The following SHANK2 variants were observed in gnomAD, a reference collection of about 807,000 sequenced individuals.
SHANK2 encodes SH3 and multiple ankyrin repeat domains protein 2.
Under a neutral mutation model 133.7 loss-of-function variants are expected in SHANK2, and 43 were observed. That is an observed-to-expected ratio of 0.32 (90% CI 0.25 to 0.41). The LOEUF is 0.41. Among genes scored for constraint, SHANK2 ranks in the 10% least tolerant of loss-of-function variants. The probability of loss-of-function intolerance (pLI) is 1.00; values close to 1 mark genes in which losing one functional copy is unlikely to be tolerated. For missense variants in SHANK2, 1,994 were observed against 2,235.8 expected (o/e 0.89, Z 2.18); for synonymous variants, 1,017 against 952.8 (o/e 1.07, Z -1.24).
intron 10 of SHANK2, chr11:70,950,922 G>A (rs1950825837): frequency 6.1e-6 from 1 of 162,738 alleles, no homozygotes; most frequent in Non-Finnish European, 1.3e-5. Flanking sequence ...GCCTGCCTAG[G>A]CCTCCCAAAG....
chr11:71,125,371 G>C (rs1952162587), intron 3 of SHANK2, among the ~76,000 whole-genome samples: 1 of 152,212 alleles, frequency 6.6e-6, no homozygotes, highest in Non-Finnish European at 1.5e-5. Context: ...AATTAGAAGG[G>C]CCACTCCAGT....
intron 15 of SHANK2, among the ~76,000 whole-genome samples, chr11:70,665,916 G>A (rs558543923): frequency 4.7e-4 from 71 of 152,230 alleles, no homozygotes; most frequent in African/African-American, 1.6e-3. Flanking sequence ...TTGTGGGGGA[G>A]GGGACATTTT....
chr11:70,599,933 A>AAG (rs1300633721), intron 17 of SHANK2, among the ~76,000 whole-genome samples: 31 of 122,448 alleles, frequency 2.5e-4, no homozygotes, highest in African/African-American at 1.2e-3. Flanking sequence ...GAAAGAAAGA[A>AAG]AGAAAGAAAG....
chr11:71,066,222 C>G (rs1229239546), intron 9 of SHANK2, among the ~76,000 whole-genome samples: 1,349 of 1,892 alleles, frequency 0.71, 567 homozygotes, highest in African/African-American at 0.77. Context: ...AACTCTCCCC[C>G]GGAGATGAGC....
chr11:70,775,819 G>A (rs782159503), intron 14 of SHANK2, among the ~76,000 whole-genome samples: 12 of 152,230 alleles, frequency 7.9e-5, no homozygotes, highest in South Asian at 6.2e-4. Flanking sequence ...AGGTTTCATC[G>A]TTACCAGCAC....
rs1948198333 is a variant in SHANK2 at position 70,807,956 on chromosome 11, G to A, written c.1494-785C>T. Among the ~76,000 whole-genome samples, 2 of 152,312 alleles carry A rather than the reference G, an allele frequency of 1.3e-5. No homozygotes were observed. Among genetic ancestry groups the A allele is most frequent in the Admixed American group, 1.3e-4 (2 of 15,304 alleles). ...ATCCCAGCCATGCGAGGGCCCGAGAGCAGTCAGATTCATGGACACAGAAAG... is the reference window on the plus strand; with the variant it reads ...ATCCCAGCCATGCGAGGGCCCGAGAACAGTCAGATTCATGGACACAGAAAG... On this transcript the variant is annotated intron_variant, in intron 12 of 25. Transcript: ENST00000601538. This position sits in a 1 kb window ranked among gnomAD's most constrained non-coding sequence, Gnocchi z 4.8.
At chr11:71,101,563 T>C (rs1240273545) in intron 6 of SHANK2, among the ~76,000 whole-genome samples, 3 of 152,106 alleles carry the variant, frequency 2.0e-5, no homozygotes, top group East Asian at 3.9e-4. Context: ...CAGATGGAGG[T>C]TTACGAGGTT....
At chr11:70,820,786 T>A (rs1555055776) in intron 11 of SHANK2, 104 bp from the exon 12 acceptor site, 17 of 568,028 alleles carry the variant, frequency 3.0e-5, no homozygotes, top group Non-Finnish European at 1.3e-5. Context: ...CAAGCCCCCA[T>A]GCGAGCCCAG....
intron 17 of SHANK2, among the ~76,000 whole-genome samples, chr11:70,582,890 A>C (rs1235965627): frequency 6.6e-6 from 1 of 152,114 alleles, no homozygotes; most frequent in African/African-American, 2.4e-5. Flanking sequence ...TGCGTGTCTG[A>C]TGAGCAGGAC....
At chr11:70,890,797 C>CAA (rs11388360) in intron 11 of SHANK2, among the ~76,000 whole-genome samples, 5,391 of 125,090 alleles carry the variant, frequency 0.043, 447 homozygotes, top group African/African-American at 0.14. Flanking sequence ...GAAACTGTCT[C>CAA]AAAAAAAAAA....
chr11:71,105,707 T>C (rs188958876), intron 6 of SHANK2, among the ~76,000 whole-genome samples: 173 of 149,884 alleles, frequency 1.2e-3, no homozygotes, highest in Non-Finnish European at 1.9e-3. Context: ...ACTGTGACGG[T>C]GGATACAGGA....
At chr11:70,602,159 T>G (rs11236784) in intron 17 of SHANK2, among the ~76,000 whole-genome samples, 1 of 152,040 alleles carries the variant, frequency 6.6e-6, no homozygotes, top group Non-Finnish European at 1.5e-5. Context: ...GTGAACTGCC[T>G]ACTCCCATTT....
chr11:70,674,122 T>A (rs1357486741), intron 15 of SHANK2, among the ~76,000 whole-genome samples: 3 of 152,184 alleles, frequency 2.0e-5, no homozygotes, highest in Admixed American at 2.0e-4. Context: ...CTCTCTTTCC[T>A]CCTCTCTTGC....
Position 70,500,529 on chromosome 11 carries a change from T to C in SHANK2, c.2308+41A>G, listed in dbSNP as rs782364074. ...AGGATGTTTCTGTTCCACAGGGGGGTGATGGGCAGGGGGCTGAGACAGACA... is the reference window on the plus strand; with the variant it reads ...AGGATGTTTCTGTTCCACAGGGGGGCGATGGGCAGGGGGCTGAGACAGACA... On this transcript the variant is annotated intron_variant, in intron 21 of 25. Transcript: ENST00000601538. This position sits in a 1 kb window ranked among gnomAD's most constrained non-coding sequence, Gnocchi z 4.5. 6.3e-7 allele frequency: 1 copy of C among 1,588,544 alleles called. No individual in the cohort carries two copies. Among genetic ancestry groups the C allele is most frequent in the African/African-American group, 1.3e-5 (1 of 74,338 alleles).
intron 17 of SHANK2, among the ~76,000 whole-genome samples, chr11:70,532,223 G>A (rs2059482540): frequency 6.6e-6 from 1 of 152,158 alleles, no homozygotes; most frequent in Non-Finnish European, 1.5e-5. Context: ...TAAGGCAGGT[G>A]CCCCCATACT....
At position 70,487,579 on chromosome 11, in the gene SHANK2, G is replaced by A. The variant is rs782457537; in HGVS notation, c.2714C>T (p.Thr905Ile). 24 of 1,613,392 alleles carry A rather than the reference G, an allele frequency of 1.5e-5. No individual in the cohort carries two copies. Among genetic ancestry groups the A allele is most frequent in the Non-Finnish European group, 2.0e-5 (24 of 1,179,810 alleles). Residue 905 changes from threonine (T) to isoleucine (I), a missense_variant, in exon 25 of 26, where the codon ACT (threonine) becomes ATT (isoleucine). This residue lies in a region of SHANK2 where 488 missense variants were observed against 642.6 expected (regional missense o/e 0.76). Coordinates refer to ENST00000601538, the MANE Select transcript of SHANK2 (RefSeq NM_012309.5). This position sits in a 1 kb window ranked among gnomAD's most constrained non-coding sequence, Gnocchi z 5.8. The stretch of plus-strand genomic sequence containing the variant: ...AGTTGGGGACTTGGGGCAGTTGTAA[G>A]TGGTTGGGGAAGGTGGTGGTGGGGA... ...PPSPPPPSPTTYNCPKSPTPR... is the reference protein window; with the variant it reads ...PPSPPPPSPTIYNCPKSPTPR...
chr11:70,910,865 G>C (rs986032144), intron 10 of SHANK2, among the ~76,000 whole-genome samples: 1 of 152,016 alleles, frequency 6.6e-6, no homozygotes, highest in Non-Finnish European at 1.5e-5. Flanking sequence ...TGCCAAACTG[G>C]ATAACACAAT....
intron 14 of SHANK2, among the ~76,000 whole-genome samples, chr11:70,703,789 C>T (rs1349961361): frequency 6.6e-6 from 1 of 152,218 alleles, no homozygotes; most frequent in Non-Finnish European, 1.5e-5. Context: ...GCTGACCACA[C>T]CTTCAGCCGC....
At chr11:70,616,192 T>G (rs563729085) in intron 17 of SHANK2, among the ~76,000 whole-genome samples, 1 of 152,148 alleles carries the variant, frequency 6.6e-6, no homozygotes, top group African/African-American at 2.4e-5. Context: ...TAGTTTGACA[T>G]GATGCAACTG....
Sources: gnomAD v4.1 joint callset for allele counts (sites outside exome capture counted in the v4.1 genomes callset) on GRCh38, gnomAD v4.1.1 for gene constraint, gnomAD v4.1.1 regional missense constraint, Gnocchi (gnomAD v3.1) non-coding constraint, MANE v1.5 for transcripts, NCBI Gene and HGNC (gene_info 2026-07-23, HGNC 2026-07-21) for gene names.